ST3GAL4: variants seen among roughly 807,000 people sequenced by gnomAD.
ST3GAL4 encodes CMP-N-acetylneuraminate-beta-galactosamide-alpha-2,3-sialyltransferase 4.
Under a neutral mutation model 42.6 loss-of-function variants are expected in ST3GAL4, and 24 were observed. The ratio of observed to expected loss-of-function variants is 0.56; its 90% CI spans 0.41 to 0.79. The LOEUF (loss-of-function observed/expected upper bound fraction) is 0.79, where lower values mean the gene tolerates loss of function less well. Among genes scored for constraint, ST3GAL4 ranks in the 30% least tolerant of loss-of-function variants. The pLI, the probability that ST3GAL4 is intolerant of heterozygous loss-of-function variation, is 0.00. For missense variants in ST3GAL4, 311 were observed against 430.8 expected, an observed-to-expected ratio of 0.72 and a Z score of 2.46; for synonymous variants, 135 against 163.2, an observed-to-expected ratio of 0.83 and a Z score of 1.32.
At chr11:126,381,389 A>G (rs965202442) in intron 1 of ST3GAL4, among the ~76,000 whole-genome samples, 2 of 151,980 alleles carry the variant, frequency 1.3e-5, no homozygotes, top group Non-Finnish European at 2.9e-5. Flanking sequence ...TTTGACAACA[A>G]AGCTCCCTCT....
chr11:126,392,926 T>A lies in ST3GAL4; in HGVS notation c.-60-13170T>A, dbSNP rs1953571906. Reference sequence around the variant, plus strand: ...TTGGGTCCCAACCACTGATTCCAGATCTCTCAACATTTGTAACACGACCAA... The same window carrying A: ...TTGGGTCCCAACCACTGATTCCAGAACTCTCAACATTTGTAACACGACCAA... On this transcript the variant is annotated intron_variant, in intron 1 of 10. Coordinates refer to ENST00000444328, the MANE Select transcript of ST3GAL4 (RefSeq NM_001254757.2). The surrounding 1 kb of genome is among the most constrained non-coding windows in gnomAD (Gnocchi z 5.8). Among the ~76,000 whole-genome samples, 1 of 150,796 alleles carries A rather than the reference T, an allele frequency of 6.6e-6. No homozygotes were observed. The highest frequency in any genetic ancestry group is 1.5e-5 in the Non-Finnish European group (1 of 67,862).
At position 126,410,666 on chromosome 11, in the gene ST3GAL4, G is replaced by C. The variant is rs1360095032; in HGVS notation, c.771+1255G>C. Reference sequence around the variant, plus strand: ...CATTTCCTGTTATTCCATGTTCTGTGTTGAATGGCTGCTTTTGTGACTGCT... The same window carrying C: ...CATTTCCTGTTATTCCATGTTCTGTCTTGAATGGCTGCTTTTGTGACTGCT... On this transcript the variant is annotated intron_variant, in intron 9 of 10. Transcript: ENST00000444328. This position sits in a 1 kb window ranked among gnomAD's most constrained non-coding sequence, Gnocchi z 5.3. Among the ~76,000 whole-genome samples, 2 of 152,204 alleles carry C rather than the reference G, an allele frequency of 1.3e-5. No individual in the cohort carries two copies. The highest frequency in any genetic ancestry group is 2.4e-5 in the African/African-American group (1 of 41,446).
At position 126,406,675 on chromosome 11, in the gene ST3GAL4, C is replaced by A; in HGVS notation, c.101+118C>A. 7.2e-7 allele frequency: 1 copy of A among 1,380,568 alleles called. No individual in the cohort carries two copies. Among genetic ancestry groups the A allele is most frequent in the Non-Finnish European group, 1.0e-6 (1 of 1,003,670 alleles). The allele number at this position is 1,380,568 out of a possible 1,614,324, so 85.5% of individuals were successfully genotyped here. A position where few individuals can be genotyped will look rare whatever the true frequency, so the allele number is the denominator to read the frequency against. ...AAGGTTCCAAGAGCCGGCACATGAC[C>A]TCATCCCTTCAGCTGCTGGTACGGA... On this transcript the variant is annotated intron_variant, in intron 3 of 10. Transcript: ENST00000444328. This position sits in a 1 kb window ranked among gnomAD's most constrained non-coding sequence, Gnocchi z 5.4.
chr11:126,384,993 T>A lies in ST3GAL4; in HGVS notation c.-60-21103T>A. 1 of 865,288 alleles carries A rather than the reference T, an allele frequency of 1.2e-6. No individual in the cohort carries two copies. Among genetic ancestry groups the A allele is most frequent in the Non-Finnish European group, 1.4e-6 (1 of 720,188 alleles). The allele number at this position is 865,288 out of a possible 1,614,324, so 53.6% of individuals were successfully genotyped here. A position where few individuals can be genotyped will look rare whatever the true frequency, so the allele number is the denominator to read the frequency against. On this transcript the variant is annotated intron_variant, in intron 1 of 10. Transcript: ENST00000444328. The surrounding 1 kb of genome is among the most constrained non-coding windows in gnomAD (Gnocchi z 5.5). ...CTGGCACCTTCCACGTCCTGAGTGCTTGTTCTGTGCCCAGCCCCTGCTGAG... is the reference window on the plus strand; with the variant it reads ...CTGGCACCTTCCACGTCCTGAGTGCATGTTCTGTGCCCAGCCCCTGCTGAG...
chr11:126,390,335 T>G (rs982757490), intron 1 of ST3GAL4, among the ~76,000 whole-genome samples: 8 of 152,126 alleles, frequency 5.3e-5, no homozygotes, highest in African/African-American at 1.9e-4. Flanking sequence ...TTGTTTGTTT[T>G]TTTTTGCTAT....
At chr11:126,399,305 T>TTG (rs1288866866) in intron 1 of ST3GAL4, among the ~76,000 whole-genome samples, 5 of 131,890 alleles carry the variant, frequency 3.8e-5, no homozygotes, top group Admixed American at 7.7e-5. Context: ...TTCCTTCTTT[T>TTG]TTTTTTTTTT....
rs1953757847 is a variant in ST3GAL4, at chr11:126,396,319, G to T, written c.-60-9777G>T. ...CAGCCCAGGCCCGCGCTGAGGTTCG[G>T]CAGGGAAGCCAGAGGAGTCCGCAGC... is the stretch of plus-strand genomic sequence containing the variant. On this transcript the variant is annotated intron_variant, in intron 1 of 10. Transcript: ENST00000444328. The surrounding 1 kb of genome is among the most constrained non-coding windows in gnomAD (Gnocchi z 5.8). Among the ~76,000 whole-genome samples the T allele has an allele frequency of 6.6e-6, 1 of 152,096 alleles. No individual in the cohort carries two copies. Among genetic ancestry groups the T allele is most frequent in the Non-Finnish European group, 1.5e-5 (1 of 68,034 alleles).
Position 126,414,331 on chromosome 11 carries a change from A to C in ST3GAL4, c.*284A>C. The C allele has an allele frequency of 4.1e-6, 2 of 482,794 alleles. No homozygotes were observed. The highest frequency in any genetic ancestry group is 3.3e-5 in the Admixed American group (1 of 30,054). 29.9% of individuals were successfully genotyped at this position (482,794 alleles called of 1,614,324 possible). ...TCTGCCAGCACCAAGAGATTATTTAATGGGCTATTTAATTAAGGGGTAGGA... is the reference window on the plus strand; with the variant it reads ...TCTGCCAGCACCAAGAGATTATTTACTGGGCTATTTAATTAAGGGGTAGGA... On this transcript the variant is annotated 3_prime_UTR_variant, in exon 11 of 11. Coordinates refer to ENST00000444328, the MANE Select transcript of ST3GAL4 (RefSeq NM_001254757.2).
chr11:126,405,025 G>A (rs989982701), intron 1 of ST3GAL4, among the ~76,000 whole-genome samples: 44 of 152,198 alleles, frequency 2.9e-4, no homozygotes, highest in Admixed American at 2.7e-3. Flanking sequence ...ATCAACCGTC[G>A]GACTCACATG....
intron 5 of ST3GAL4, 111 bp downstream of exon 5, chr11:126,407,460 C>T: frequency 1.3e-6 from 2 of 1,561,380 alleles, no homozygotes; most frequent in Non-Finnish European, 1.8e-6. Context: ...ACTCGGGTAC[C>T]AGGGTCAGGG....
Position 126,378,399 on chromosome 11 carries a change from A to G in ST3GAL4, c.-61+22557A>G, listed in dbSNP as rs1288924373. On this transcript the variant is annotated intron_variant, in intron 1 of 10. Coordinates refer to ENST00000444328, the MANE Select transcript of ST3GAL4 (RefSeq NM_001254757.2). This position sits in a 1 kb window ranked among gnomAD's most constrained non-coding sequence, Gnocchi z 5.3. Reference sequence around the variant, plus strand: ...ATAAAATGACTGTATGCCATCATCAATTAGGGATGATTGGTTTTCTTTTTA... The same window carrying G: ...ATAAAATGACTGTATGCCATCATCAGTTAGGGATGATTGGTTTTCTTTTTA... Among the ~76,000 whole-genome samples, 4 of 152,144 alleles carry G rather than the reference A, an allele frequency of 2.6e-5. No individual in the cohort carries two copies. Among genetic ancestry groups the G allele is most frequent in the Admixed American group, 6.6e-5 (1 of 15,264 alleles).
intron 1 of ST3GAL4, among the ~76,000 whole-genome samples, chr11:126,399,892 C>T (rs758841831): frequency 3.9e-5 from 6 of 152,160 alleles, no homozygotes; most frequent in African/African-American, 9.7e-5. Context: ...ATGGCCTTCA[C>T]GATCGATATT....
intron 1 of ST3GAL4, among the ~76,000 whole-genome samples, chr11:126,360,403 C>T (rs1319319508): frequency 6.6e-6 from 1 of 152,082 alleles, no homozygotes; most frequent in East Asian, 1.9e-4. Flanking sequence ...GCCATGTTGC[C>T]CAGGCTGGTT....
chr11:126,406,168 T>A lies in ST3GAL4; in HGVS notation c.13T>A (p.Ser5Thr). MVSK[S>T]RWKLLAMLAL... ...CCTGCTGAGAAACATGGTCAGCAAG[T>A]CCCGTGAGTGTCATCCGAGGGCTCC... is the stretch of plus-strand genomic sequence containing the variant. The change falls in exon 2 of 11, where the codon TCC becomes ACC. Residue 5 changes from serine to threonine, a missense_variant. Physicochemically the swap from Ser to Thr is moderately conservative, Grantham distance 58 (BLOSUM62 1). Transcript: ENST00000444328. This position sits in a 1 kb window ranked among gnomAD's most constrained non-coding sequence, Gnocchi z 5.4. 1 of 1,557,882 alleles carries A rather than the reference T, an allele frequency of 6.4e-7. No homozygotes were observed. Among genetic ancestry groups the A allele is most frequent in the Non-Finnish European group, 8.7e-7 (1 of 1,150,676 alleles).
Position 126,378,819 on chromosome 11 carries a change from C to A in ST3GAL4, c.-61+22977C>A, listed in dbSNP as rs527393082. On this transcript the variant is annotated intron_variant, in intron 1 of 10. Transcript: ENST00000444328. The surrounding 1 kb of genome is among the most constrained non-coding windows in gnomAD (Gnocchi z 5.3). Reference sequence around the variant, plus strand: ...CCAATGTCTAGTTCTAGTAAGTTCTCTGATGATATGGTTGAGGCTTTCATG... The same window carrying A: ...CCAATGTCTAGTTCTAGTAAGTTCTATGATGATATGGTTGAGGCTTTCATG... 6.6e-5 allele frequency among the ~76,000 whole-genome samples: 10 copies of A among 152,232 alleles called. No individual in the cohort carries two copies. The South Asian group carries it at 1.9e-3, about 28-fold the overall frequency.
At position 126,366,518 on chromosome 11, in the gene ST3GAL4, AC is replaced by A. The variant is rs1952431739; in HGVS notation, c.-61+10680del. ...GGGAGGGGTGGGGCTTGCTTTCCTC[AC>A]CCCGCTTCCCACGTCTTCATTGAGT... On this transcript the variant is annotated intron_variant, in intron 1 of 10. Coordinates refer to ENST00000444328, the MANE Select transcript of ST3GAL4 (RefSeq NM_001254757.2). The surrounding 1 kb of genome is among the most constrained non-coding windows in gnomAD (Gnocchi z 4.2). 6.6e-6 allele frequency among the ~76,000 whole-genome samples: 1 copy of A among 151,544 alleles called. No homozygotes were observed. Among genetic ancestry groups the A allele is most frequent in the Non-Finnish European group, 1.5e-5 (1 of 67,896 alleles).
Position 126,406,696 on chromosome 11 carries a change from A to G in ST3GAL4, c.101+139A>G, listed in dbSNP as rs1954248025. On this transcript the variant is annotated intron_variant, in intron 3 of 10. Transcript: ENST00000444328. The surrounding 1 kb of genome is among the most constrained non-coding windows in gnomAD (Gnocchi z 5.4). ...TGACCTCATCCCTTCAGCTGCTGGT[A>G]CGGAGTGTTTCCATGAGGGTGGGTG... 9 of 903,790 alleles carry G rather than the reference A, an allele frequency of 1.0e-5. No individual in the cohort carries two copies. Among genetic ancestry groups the G allele is most frequent in the Non-Finnish European group, 1.3e-5 (8 of 611,180 alleles). 56.0% of individuals were successfully genotyped at this position (903,790 alleles called of 1,614,324 possible).
intron 1 of ST3GAL4, among the ~76,000 whole-genome samples, chr11:126,399,549 C>T (rs542787591): frequency 1.7e-4 from 26 of 152,076 alleles, no homozygotes; most frequent in South Asian, 6.2e-4. Context: ...TCAAATGATC[C>T]GCCCGCCTCA....
chr11:126,412,239 A>G (rs565860047), intron 9 of ST3GAL4, among the ~76,000 whole-genome samples: 2 of 152,300 alleles, frequency 1.3e-5, no homozygotes, highest in East Asian at 3.9e-4. Context: ...GCTGGATGAG[A>G]TAACACACTG....
Sources: gnomAD v4.1 joint callset for allele counts (sites outside exome capture counted in the v4.1 genomes callset) on GRCh38, gnomAD v4.1.1 for gene constraint, Gnocchi (gnomAD v3.1) non-coding constraint, MANE v1.5 for transcripts, NCBI Gene and HGNC (gene_info 2026-07-23, HGNC 2026-07-21) for gene names.